FRK: variants seen among roughly 807,000 people sequenced by gnomAD.
The protein encoded by FRK is fyn related Src family tyrosine kinase.
A neutral mutation model predicts 56.4 loss-of-function variants in FRK; 51 were observed. That is an observed-to-expected ratio of 0.90 (90% CI 0.72 to 1.14). FRK has a LOEUF of 1.14. FRK is among the 50% of genes most tolerant of loss of function. The probability of loss-of-function intolerance (pLI) is 0.00; values close to 1 mark genes in which losing one functional copy is unlikely to be tolerated. For synonymous variants in FRK, 245 were observed against 217.9 expected, an observed-to-expected ratio of 1.12 and a Z score of -1.10; for missense variants, 570 against 601.4, an observed-to-expected ratio of 0.95 and a Z score of 0.55.
At chr6:115,953,103 G>GAA (rs201735683) in intron 5 of FRK, among the ~76,000 whole-genome samples, 3 of 131,806 alleles carry the variant, frequency 2.3e-5, no homozygotes, top group African/African-American at 5.7e-5. Context: ...TTTAAAAAAA[G>GAA]AAAAAAAAAG....
At chr6:116,011,454 T>C (rs1775463952) in intron 1 of FRK, among the ~76,000 whole-genome samples, 1 of 150,846 alleles carries the variant, frequency 6.6e-6, no homozygotes, top group Admixed American at 6.6e-5. Context: ...AAAAATAAAC[T>C]CTTAAGACTA....
intron 4 of FRK, among the ~76,000 whole-genome samples, chr6:115,958,621 CT>C (rs1773111866): frequency 1.3e-5 from 1 of 76,596 alleles, no homozygotes; most frequent in African/African-American, 5.5e-5. Flanking sequence ...GAGTGAGACT[CT>C]GTCTCAAAAA....
rs1772101914 is a variant in FRK at position 115,938,930 on chromosome 6, C to G, written c.*3484G>C. ...AAAGCTAGTACTATTCTTTCTGAAA[C>G]TATTCCAAACAATAGGAAAAGAGGG... On this transcript the variant is annotated 3_prime_UTR_variant, in exon 8 of 8. Transcript: ENST00000606080. The G allele has an allele frequency of 6.6e-6, 1 of 151,900 alleles. No homozygotes were observed. Among genetic ancestry groups the G allele is most frequent in the Non-Finnish European group, 1.5e-5 (1 of 68,026 alleles). The allele number at this position is 151,900 out of a possible 1,614,324, so 9.4% of individuals were successfully genotyped here. A position where few individuals can be genotyped will look rare whatever the true frequency, so the allele number is the denominator to read the frequency against.
chr6:115,971,977 A>G lies in FRK; in HGVS notation c.467-3238T>C, dbSNP rs143546080. 2.9e-3 allele frequency among the ~76,000 whole-genome samples: 445 copies of G among 152,328 alleles called. 4 individuals carry two copies. The highest frequency in any genetic ancestry group is 9.8e-3 in the African/African-American group (407 of 41,578). On this transcript the variant is annotated intron_variant, in intron 2 of 7. Transcript: ENST00000606080. The stretch of plus-strand genomic sequence containing the variant: ...CTTCCCACTCCGAGCCTGCTGGCAG[A>G]AACTGAAGCTGACTCCTCTCTGGGA...
intron 1 of FRK, among the ~76,000 whole-genome samples, chr6:116,013,762 A>C (rs1775552562): frequency 6.6e-6 from 1 of 152,068 alleles, no homozygotes. Context: ...CAAAGACCAA[A>C]CTCAAGTCCC....
At chr6:115,987,395 A>C (rs1774435415) in intron 2 of FRK, among the ~76,000 whole-genome samples, 1 of 152,110 alleles carries the variant, frequency 6.6e-6, no homozygotes. Context: ...TCTTAATGGG[A>C]GAACCCATTT....
intron 2 of FRK, among the ~76,000 whole-genome samples, chr6:115,973,157 G>A (rs1773872128): frequency 6.6e-6 from 1 of 152,112 alleles, no homozygotes; most frequent in Admixed American, 6.6e-5. Flanking sequence ...GATTTGTCAA[G>A]CTACCATTCC....
intron 1 of FRK, among the ~76,000 whole-genome samples, chr6:116,008,769 G>T (rs951957881): frequency 1.4e-4 from 21 of 152,146 alleles, no homozygotes; most frequent in Admixed American, 1.1e-3. Context: ...TTAAGCTACA[G>T]TTCTTACGTG....
At chr6:116,024,781 A>C (rs1776022701) in intron 1 of FRK, among the ~76,000 whole-genome samples, 1 of 152,140 alleles carries the variant, frequency 6.6e-6, no homozygotes, top group African/African-American at 2.4e-5. Context: ...GTATATACCC[A>C]GTAATGGGAT....
chr6:116,067,071 G>C, the FRK span, among the ~76,000 whole-genome samples: 1 of 152,008 alleles, frequency 6.6e-6, no homozygotes, highest in Admixed American at 6.6e-5. Context: ...AGTATGACAG[G>C]TGTCCTCATA....
intron 1 of FRK, chr6:116,038,666 T>C (rs1428958225): frequency 5.9e-6 from 2 of 341,866 alleles, no homozygotes; most frequent in Middle Eastern, 8.1e-4. Context: ...TTTAACATGA[T>C]ACCTTTTAGA....
At chr6:115,997,682 A>T (rs182245251) in intron 2 of FRK, among the ~76,000 whole-genome samples, 114 of 152,192 alleles carry the variant, frequency 7.5e-4, no homozygotes, top group Admixed American at 4.3e-3. Flanking sequence ...TGTCAGTTTT[A>T]TCTTCTAGAT....
At chr6:116,058,257 A>ATTTC (rs1394014233) in intron 1 of FRK, among the ~76,000 whole-genome samples, 1 of 152,208 alleles carries the variant, frequency 6.6e-6, no homozygotes, top group Non-Finnish European at 1.5e-5. Context: ...ATATAAAGAT[A>ATTTC]TTTCCTGTAG....
At chr6:116,087,680 T>C in the FRK span, among the ~76,000 whole-genome samples, 1 of 152,212 alleles carries the variant, frequency 6.6e-6, no homozygotes, top group Non-Finnish European at 1.5e-5. Context: ...GGCCAACAGA[T>C]GGAGACACCA....
rs147717219 is a variant in FRK, at chr6:115,943,120, G to T, written c.1206C>A (p.Pro402=). 1 of 1,613,030 alleles carries T rather than the reference G, an allele frequency of 6.2e-7. No homozygotes were observed. Among genetic ancestry groups the T allele is most frequent in the South Asian group, 1.1e-5 (1 of 91,014 alleles). Residue 402 remains proline (P), a synonymous_variant, in exon 7 of 8, where the codon CCC becomes CCA. Transcript: ENST00000606080. ...TGAATTTATTACTACGAATGGCTTC[G>T]GGCGCAGTCCACTTCACCGGCAGCT... ...EIKLPVKWTA[P]EAIRSNKFSI...
intron 1 of FRK, among the ~76,000 whole-genome samples, chr6:116,009,525 A>G (rs1020882448): frequency 2.4e-4 from 36 of 152,212 alleles, no homozygotes; most frequent in African/African-American, 8.7e-4. Flanking sequence ...TATCCAGTAA[A>G]ATAATACCAC....
rs373947388 is a variant in FRK, at chr6:116,045,053, C to T, written c.344+14915G>A. Among the ~76,000 whole-genome samples, 48 of 152,224 alleles carry T rather than the reference C, an allele frequency of 3.2e-4. 1 individual carries two copies. In the South Asian group the frequency reaches 9.9e-3, roughly 32 times the overall value. ...ATGTGAAGGACCTCTTCAAGGAGAA[C>T]TACAAACCACTGCTCAAGGAAATAA... On this transcript the variant is annotated intron_variant, in intron 1 of 7. Transcript: ENST00000606080.
chr6:115,935,448 G>T lies in FRK; in HGVS notation c.*6966C>A, dbSNP rs1289142895. On this transcript the variant is annotated 3_prime_UTR_variant, in exon 8 of 8. Transcript: ENST00000606080. ...TTGGGCAGACACTGAACTAGCTGCA[G>T]GAGTTTTATTTTCCATACCCCAGTG... 6.5e-6 allele frequency: 1 copy of T among 152,720 alleles called. No individual in the cohort carries two copies. The highest frequency in any genetic ancestry group is 1.5e-5 in the Non-Finnish European group (1 of 68,436). 9.5% of individuals were successfully genotyped at this position (152,720 alleles called of 1,614,324 possible).
At position 115,940,192 on chromosome 6, in the gene FRK, T is replaced by G. The variant is rs1281861758; in HGVS notation, c.*2222A>C. 2.0e-5 allele frequency: 3 copies of G among 152,224 alleles called. No homozygotes were observed. Among genetic ancestry groups the G allele is most frequent in the African/African-American group, 7.2e-5 (3 of 41,454 alleles). The allele number at this position is 152,224 out of a possible 1,614,324, so 9.4% of individuals were successfully genotyped here. ...ATAACACCACACATCTACAACCATC[T>G]GATCTTTGACAAACCTTACAAAAAC... is the stretch of plus-strand genomic sequence containing the variant. On this transcript the variant is annotated 3_prime_UTR_variant, in exon 8 of 8. Transcript: ENST00000606080.
Sources: allele counts gnomAD v4.1 joint callset (sites outside exome capture counted in the v4.1 genomes callset), GRCh38; gene constraint gnomAD v4.1.1; transcripts MANE v1.5; gene names NCBI Gene and HGNC (gene_info 2026-07-23, HGNC 2026-07-21).